Variants in PRIMA1 observed in about 807,000 individuals in gnomAD.
PRIMA1 encodes proline-rich membrane anchor 1.
Under a neutral mutation model 17.5 loss-of-function variants are expected in PRIMA1, and 7 were observed. That is an observed-to-expected ratio of 0.40 (90% confidence interval 0.23 to 0.75). PRIMA1 has a LOEUF of 0.75. Among genes scored for constraint, PRIMA1 ranks in the 30% least tolerant of loss-of-function variants. The probability of loss-of-function intolerance (pLI) is 0.37; values close to 1 mark genes in which losing one functional copy is unlikely to be tolerated. For synonymous variants in PRIMA1, 97 were observed against 77.9 expected, an observed-to-expected ratio of 1.25 and a Z score of -1.29; for missense variants, 200 against 201.8, an observed-to-expected ratio of 0.99 and a Z score of 0.05.
chr14:93,749,355 A>G (rs768787513), intron 3 of PRIMA1, among the ~76,000 whole-genome samples: 17 of 152,238 alleles, frequency 1.1e-4, no homozygotes, highest in Non-Finnish European at 1.5e-4. Flanking sequence ...TGATTCGCTC[A>G]ATACACATCT....
chr14:93,746,553 G>A (rs1007280160), intron 3 of PRIMA1, among the ~76,000 whole-genome samples: 1 of 152,090 alleles, frequency 6.6e-6, no homozygotes, highest in Admixed American at 6.5e-5. Flanking sequence ...AGAAGGAGAT[G>A]GGACCACATG....
At chr14:93,757,628 G>C (rs1386119603) in intron 3 of PRIMA1, among the ~76,000 whole-genome samples, 2 of 152,146 alleles carry the variant, frequency 1.3e-5, no homozygotes. Context: ...GTGACAGCTG[G>C]CCTCTTCCTT....
At chr14:93,760,549 G>A (rs1595213260) in intron 3 of PRIMA1, among the ~76,000 whole-genome samples, 1 of 152,148 alleles carries the variant, frequency 6.6e-6, no homozygotes, top group East Asian at 1.9e-4. Flanking sequence ...CATCCCTGAT[G>A]GCTCACGGCC....
chr14:93,782,279 A>ATACATACATACATAC lies in PRIMA1; in HGVS notation c.94-2969_94-2968insGTATGTATGTATGTA, dbSNP rs1225135581. ...CAAGACTCCGTCTCAAAAATAAATA[A>ATACATACATACATAC]ATAAATAAATAAATACATACATACA... On this transcript the variant is annotated intron_variant, in intron 2 of 4. Transcript: ENST00000393140. 1.5e-3 allele frequency among the ~76,000 whole-genome samples: 229 copies of ATACATACATACATAC among 150,742 alleles called. 1 individual carries two copies. The highest frequency in any genetic ancestry group is 1.7e-3 in the Non-Finnish European group (116 of 67,866).
In PRIMA1 at chr14:93,737,381, C is replaced by T; in HGVS notation, c.230-11G>A. The T allele has an allele frequency of 6.2e-7, 1 of 1,612,800 alleles. No homozygotes were observed. Among genetic ancestry groups the T allele is most frequent in the Non-Finnish European group, 8.5e-7 (1 of 1,179,412 alleles). On this transcript the variant is annotated splice_polypyrimidine_tract_variant and intron_variant, in intron 3 of 4. Coordinates refer to ENST00000393140, the MANE Select transcript of PRIMA1 (RefSeq NM_178013.4). ...AGGTAGAGTTGGGAGCTGAAAAAGA[C>T]AGGAGCAGCCTGAGTGTCACCTGGA...
rs886890218 is a variant in PRIMA1 at position 93,730,551 on chromosome 14, C to CA, written c.359+6689dup. Among the ~76,000 whole-genome samples, 93 of 152,308 alleles carry CA rather than the reference C, an allele frequency of 6.1e-4. 1 individual carries two copies. The highest frequency in any genetic ancestry group is 2.0e-3 in the African/African-American group (82 of 41,568). Reference sequence around the variant, plus strand: ...ACCATTTCTCTCCCCACCAAGGCCTCAGTTCCCACATCAGTAAAACAAGGG... The same window carrying CA: ...ACCATTTCTCTCCCCACCAAGGCCTCAAGTTCCCACATCAGTAAAACAAGGG... On this transcript the variant is annotated intron_variant, in intron 4 of 4. Transcript: ENST00000393140.
At chr14:93,781,508 A>G (rs139698826) in intron 2 of PRIMA1, among the ~76,000 whole-genome samples, 1 of 152,368 alleles carries the variant, frequency 6.6e-6, no homozygotes, top group African/African-American at 2.4e-5. Flanking sequence ...TCCAAGGTGC[A>G]ATCTATGAGA....
intron 3 of PRIMA1, among the ~76,000 whole-genome samples, chr14:93,765,531 C>T (rs147673153): frequency 1.3e-5 from 2 of 151,228 alleles, no homozygotes; most frequent in African/African-American, 2.4e-5. Flanking sequence ...ACATATTATT[C>T]CTTTTGACCC....
At chr14:93,738,350 C>A (rs1399842621) in intron 3 of PRIMA1, among the ~76,000 whole-genome samples, 1 of 151,760 alleles carries the variant, frequency 6.6e-6, no homozygotes, top group African/African-American at 2.4e-5. Flanking sequence ...GACTCAGACA[C>A]AACTGGAAAG....
intron 3 of PRIMA1, among the ~76,000 whole-genome samples, chr14:93,758,495 A>G (rs1197950602): frequency 1.3e-5 from 2 of 149,862 alleles, no homozygotes; most frequent in African/African-American, 4.9e-5. Context: ...GCTACTTGGG[A>G]GGCTGAGGCA....
At chr14:93,724,884 T>C (rs1196115298) in intron 4 of PRIMA1, among the ~76,000 whole-genome samples, 1 of 152,150 alleles carries the variant, frequency 6.6e-6, no homozygotes, top group African/African-American at 2.4e-5. Context: ...GAAGGCGGCA[T>C]GGAGCTCCCT....
At chr14:93,749,391 A>T (rs1011397389) in intron 3 of PRIMA1, among the ~76,000 whole-genome samples, 6 of 152,190 alleles carry the variant, frequency 3.9e-5, no homozygotes, top group Non-Finnish European at 8.8e-5. Flanking sequence ...TGTGCCATGC[A>T]CCATGCTAGC....
chr14:93,737,846 G>C (rs948575531), intron 3 of PRIMA1, among the ~76,000 whole-genome samples: 3 of 151,992 alleles, frequency 2.0e-5, no homozygotes, highest in Non-Finnish European at 4.4e-5. Context: ...TCCTCCCTCG[G>C]CATGAGCTAA....
chr14:93,772,493 C>T (rs189165037), intron 3 of PRIMA1, among the ~76,000 whole-genome samples: 8 of 152,350 alleles, frequency 5.3e-5, no homozygotes, highest in East Asian at 1.9e-4. Context: ...CCATGGCCTC[C>T]GCCATCTGAG....
chr14:93,745,995 C>T (rs2076214911), intron 3 of PRIMA1, among the ~76,000 whole-genome samples: 2 of 152,184 alleles, frequency 1.3e-5, no homozygotes, highest in South Asian at 2.1e-4. Context: ...CCGCTGCCCC[C>T]ATCCTTCCCC....
At chr14:93,730,061 A>C (rs998396437) in intron 4 of PRIMA1, among the ~76,000 whole-genome samples, 5 of 152,244 alleles carry the variant, frequency 3.3e-5, no homozygotes, top group African/African-American at 1.2e-4. Flanking sequence ...GCAATTCTAA[A>C]TAGAGTCTGT....
At chr14:93,737,465 G>A (rs952260607) in intron 3 of PRIMA1, 95 bp from the exon 4 acceptor site, 141 of 1,442,772 alleles carry the variant, frequency 9.8e-5, no homozygotes, top group African/African-American at 2.3e-4. Flanking sequence ...CAACAGAGGC[G>A]TGGGGAGGTC....
At chr14:93,788,957 A>G (rs545678083), upstream of PRIMA1, among the ~76,000 whole-genome samples, 1 of 152,154 alleles carries the variant, frequency 6.6e-6, no homozygotes, top group Admixed American at 6.5e-5. Flanking sequence ...CGCGAGAGGC[A>G]GCGGCGGGAG....
intron 4 of PRIMA1, among the ~76,000 whole-genome samples, chr14:93,730,077 T>TA (rs1246639203): frequency 3.9e-5 from 6 of 152,176 alleles, no homozygotes; most frequent in Non-Finnish European, 7.4e-5. Context: ...TCTGTCAGTT[T>TA]AAAAGGTGGA....
Sources: gnomAD v4.1 joint callset for allele counts (sites outside exome capture counted in the v4.1 genomes callset) on GRCh38, gnomAD v4.1.1 for gene constraint, MANE v1.5 for transcripts, NCBI Gene and HGNC (gene_info 2026-07-23, HGNC 2026-07-21) for gene names.